MGMT: variants seen among roughly 807,000 people sequenced by gnomAD.
The protein encoded by MGMT is methylated-DNA--protein-cysteine methyltransferase.
Under a neutral mutation model 15.9 loss-of-function variants are expected in MGMT, and 14 were observed. That is an observed-to-expected ratio of 0.88 (90% CI 0.58 to 1.37). The LOEUF (loss-of-function observed/expected upper bound fraction) is 1.37. Ranked by LOEUF, MGMT falls within the 40% of genes most tolerant of loss-of-function variation. The probability of loss-of-function intolerance (pLI) is 0.00; values close to 1 mark genes in which losing one functional copy is unlikely to be tolerated. For synonymous variants in MGMT, 130 were observed against 118.2 expected (o/e 1.10, Z -0.65); for missense variants, 282 against 268.1 (o/e 1.05, Z -0.36).
At chr10:129,620,620 C>T (rs1847080711) in intron 2 of MGMT, among the ~76,000 whole-genome samples, 1 of 152,162 alleles carries the variant, frequency 6.6e-6, no homozygotes, top group Non-Finnish European at 1.5e-5. Flanking sequence ...TCTGAAGTTA[C>T]TTTGATATTA....
rs185115710 is a variant in MGMT at position 129,676,969 on chromosome 10, A to T, written c.126-30926A>T. Among the ~76,000 whole-genome samples, 3 of 152,282 alleles carry T rather than the reference A, an allele frequency of 2.0e-5. No individual in the cohort carries two copies. The East Asian group carries it at 5.8e-4, about 29-fold the overall frequency. On this transcript the variant is annotated intron_variant, in intron 2 of 4. Transcript: ENST00000651593. ...AAGGTCCTTATTTCAGTAAATCTGA[A>T]ATGGTGACCATCTTACCCATAGCTA...
intron 1 of MGMT, among the ~76,000 whole-genome samples, chr10:129,494,967 A>G (rs530176603): frequency 6.6e-6 from 1 of 152,342 alleles, no homozygotes; most frequent in African/African-American, 2.4e-5. Context: ...TGAACAAGAC[A>G]CTAAAAAGAT....
At chr10:129,640,321 C>T (rs1382489009) in intron 2 of MGMT, among the ~76,000 whole-genome samples, 7 of 152,224 alleles carry the variant, frequency 4.6e-5, no homozygotes, top group African/African-American at 1.7e-4. Context: ...TGGTCTCAAA[C>T]TCCTGGCCTC....
intron 2 of MGMT, among the ~76,000 whole-genome samples, chr10:129,593,100 G>A (rs2133055417): frequency 6.6e-6 from 1 of 152,232 alleles, no homozygotes; most frequent in South Asian, 2.1e-4. Context: ...TAGGGTGAGG[G>A]AGAAGCCCCA....
intron 1 of MGMT, among the ~76,000 whole-genome samples, chr10:129,494,227 A>G (rs894998970): frequency 2.6e-5 from 4 of 152,142 alleles, no homozygotes; most frequent in African/African-American, 9.7e-5. Context: ...TGTGTTGTGT[A>G]ATTTTGAAGC....
chr10:129,498,161 G>T (rs1465397299), intron 1 of MGMT, among the ~76,000 whole-genome samples: 1 of 152,240 alleles, frequency 6.6e-6, no homozygotes, highest in Non-Finnish European at 1.5e-5. Context: ...TGGTAAGAAG[G>T]CTCAGAAGTG....
intron 2 of MGMT, among the ~76,000 whole-genome samples, chr10:129,564,670 CT>C (rs944451924): frequency 7.7e-6 from 1 of 130,220 alleles, no homozygotes. Context: ...CTTCCTCCCC[CT>C]CCTCTCCTTC....
chr10:129,483,253 A>G (rs986279050), intron 1 of MGMT, among the ~76,000 whole-genome samples: 4 of 152,232 alleles, frequency 2.6e-5, no homozygotes, highest in African/African-American at 9.6e-5. Context: ...ATATTCTCCA[A>G]TATATAGAGT....
intron 2 of MGMT, among the ~76,000 whole-genome samples, chr10:129,598,530 G>T (rs541211911): frequency 2.0e-5 from 3 of 152,254 alleles, no homozygotes; most frequent in Admixed American, 2.0e-4. Flanking sequence ...AGTTAAAGTG[G>T]AAAACTGTGC....
intron 2 of MGMT, among the ~76,000 whole-genome samples, chr10:129,640,878 A>G (rs1194321150): frequency 6.6e-6 from 1 of 152,188 alleles, no homozygotes; most frequent in Non-Finnish European, 1.5e-5. Flanking sequence ...TCTCGAAGAA[A>G]TTTCCTGATT....
intron 3 of MGMT, among the ~76,000 whole-genome samples, chr10:129,725,627 C>G (rs568813113): frequency 1.2e-4 from 18 of 152,346 alleles, no homozygotes; most frequent in African/African-American, 3.6e-4. Context: ...AAGTGCCGCC[C>G]AGGGCTGGGG....
intron 2 of MGMT, among the ~76,000 whole-genome samples, chr10:129,662,403 G>T (rs1049103218): frequency 6.6e-6 from 1 of 152,120 alleles, no homozygotes; most frequent in African/African-American, 2.4e-5. Flanking sequence ...GGAAAATCCT[G>T]GGTAAACTGC....
intron 2 of MGMT, chr10:129,701,713 C>T (rs1848101361): frequency 6.6e-6 from 1 of 152,160 alleles, no homozygotes; most frequent in African/African-American, 2.4e-5. Context: ...ATCAAGACTC[C>T]TGGGGCACTT....
intron 2 of MGMT, among the ~76,000 whole-genome samples, chr10:129,696,389 T>A (rs988717373): frequency 6.6e-6 from 1 of 152,194 alleles, no homozygotes; most frequent in African/African-American, 2.4e-5. Context: ...ACCTGCAGCA[T>A]TTCCAGGTTC....
At chr10:129,657,729 C>CACACACACACACACACACACACA (rs1564750921) in intron 2 of MGMT, among the ~76,000 whole-genome samples, 11 of 122,292 alleles carry the variant, frequency 9.0e-5, no homozygotes, top group East Asian at 4.5e-4. Flanking sequence ...ACACACACAC[C>CACACACACACACACACACACACA]CCCTCTCCCC....
intron 2 of MGMT, among the ~76,000 whole-genome samples, chr10:129,616,163 G>A (rs866384615): frequency 9.2e-5 from 14 of 152,226 alleles, no homozygotes; most frequent in Admixed American, 3.9e-4. Context: ...AGAGCACTGA[G>A]CAGAGGGAGC....
chr10:129,765,120 G>A (rs1262666207), intron 4 of MGMT, among the ~76,000 whole-genome samples: 2 of 152,082 alleles, frequency 1.3e-5, no homozygotes, highest in African/African-American at 2.4e-5. Context: ...TGCTTTGCAC[G>A]ATGATGAGGC....
chr10:129,467,290 C>G lies in MGMT; in HGVS notation c.-19C>G. On this transcript the variant is annotated 5_prime_UTR_variant, in exon 1 of 5. Transcript: ENST00000651593. ...AGGTCCTCGCGGTGCGCACCGTTTGCGACTTGGTGAGTGTCTGGGTCGCCT... is the reference window on the plus strand; with the variant it reads ...AGGTCCTCGCGGTGCGCACCGTTTGGGACTTGGTGAGTGTCTGGGTCGCCT... The G allele has an allele frequency of 6.5e-7, 1 of 1,541,834 alleles. No individual in the cohort carries two copies. Among genetic ancestry groups the G allele is most frequent in the Non-Finnish European group, 8.7e-7 (1 of 1,144,222 alleles).
chr10:129,488,846 C>T (rs1489952218), intron 1 of MGMT, among the ~76,000 whole-genome samples: 1 of 152,102 alleles, frequency 6.6e-6, no homozygotes, highest in Non-Finnish European at 1.5e-5. Flanking sequence ...AGCGGCTTCA[C>T]TGCAAATATA....
Sources: gnomAD v4.1 joint callset for allele counts (sites outside exome capture counted in the v4.1 genomes callset) on GRCh38, gnomAD v4.1.1 for gene constraint, MANE v1.5 for transcripts, NCBI Gene and HGNC (gene_info 2026-07-23, HGNC 2026-07-21) for gene names.